PRKCA: variants seen among roughly 807,000 people sequenced by gnomAD.
PRKCA encodes protein kinase C alpha.
A neutral mutation model predicts 87.0 loss-of-function variants in PRKCA; 27 were observed. That is an observed-to-expected ratio of 0.31 (90% confidence interval 0.23 to 0.43). The LOEUF is 0.43. Ranked by LOEUF, PRKCA falls within the 20% of genes least tolerant of loss-of-function variation. PRKCA has a pLI of 1.00. For synonymous variants in PRKCA, 329 were observed against 311.1 expected (o/e 1.06, Z -0.61); for missense variants, 518 against 852.3 (o/e 0.61, Z 4.88).
At chr17:66,707,741 A>G (rs1973225320) in intron 8 of PRKCA, among the ~76,000 whole-genome samples, 1 of 152,120 alleles carries the variant, frequency 6.6e-6, no homozygotes, top group South Asian at 2.1e-4. Flanking sequence ...CTTGTACCTT[A>G]TCTCCACTTT....
At chr17:66,594,459 G>C (rs1969911533) in intron 3 of PRKCA, among the ~76,000 whole-genome samples, 1 of 152,098 alleles carries the variant, frequency 6.6e-6, no homozygotes. Flanking sequence ...TCAGTTTCCA[G>C]CGTCTCTTTA....
intron 5 of PRKCA, among the ~76,000 whole-genome samples, chr17:66,653,811 AAAACC>A (rs1971657656): frequency 1.5e-5 from 1 of 67,818 alleles, no homozygotes; most frequent in African/African-American, 4.0e-5. Context: ...AAAAAAAAAC[AAAACC>A]AACAAGCTTT....
intron 3 of PRKCA, among the ~76,000 whole-genome samples, chr17:66,562,445 C>T (rs1033940635): frequency 6.6e-6 from 1 of 151,822 alleles, no homozygotes; most frequent in African/African-American, 2.4e-5. Context: ...GTCTCAGGCA[C>T]CCTGGAGGAC....
At chr17:66,784,856 C>T (rs1041659423) in intron 14 of PRKCA, among the ~76,000 whole-genome samples, 1 of 152,178 alleles carries the variant, frequency 6.6e-6, no homozygotes, top group African/African-American at 2.4e-5. Context: ...GCCTGCACCC[C>T]CTGGTGGGTG....
chr17:66,763,679 C>T (rs1301735733), intron 13 of PRKCA, among the ~76,000 whole-genome samples: 4 of 152,026 alleles, frequency 2.6e-5, no homozygotes, highest in Non-Finnish European at 4.4e-5. Context: ...TAAAGGCCAC[C>T]GTTATTTTGT....
At chr17:66,439,544 C>T (rs973988197) in intron 2 of PRKCA, among the ~76,000 whole-genome samples, 1 of 152,188 alleles carries the variant, frequency 6.6e-6, no homozygotes, top group African/African-American at 2.4e-5. Context: ...ATGGCATAGG[C>T]TGGCCTATTA....
intron 3 of PRKCA, among the ~76,000 whole-genome samples, chr17:66,590,211 T>G (rs1173010624): frequency 1.3e-5 from 2 of 152,170 alleles, no homozygotes; most frequent in African/African-American, 4.8e-5. Context: ...AGATGTCAAC[T>G]GCCTGAAATT....
At chr17:66,532,898 T>G (rs1272059297) in intron 3 of PRKCA, among the ~76,000 whole-genome samples, 2 of 152,166 alleles carry the variant, frequency 1.3e-5, no homozygotes, top group African/African-American at 4.8e-5. Flanking sequence ...GTGGAATTAG[T>G]TTGCACACAC....
At chr17:66,560,766 A>G (rs1248062178) in intron 3 of PRKCA, among the ~76,000 whole-genome samples, 2 of 152,168 alleles carry the variant, frequency 1.3e-5, no homozygotes, top group East Asian at 1.9e-4. Flanking sequence ...TACCAGCGCC[A>G]CCACTGGCAT....
chr17:66,703,685 C>T (rs1420099197), intron 8 of PRKCA: 3 of 151,920 alleles, frequency 2.0e-5, no homozygotes, highest in African/African-American at 7.3e-5. Flanking sequence ...ATCCCAGCTA[C>T]TTGGGAGGCT....
intron 2 of PRKCA, among the ~76,000 whole-genome samples, chr17:66,443,106 G>C (rs908536530): frequency 6.6e-6 from 1 of 152,202 alleles, no homozygotes; most frequent in African/African-American, 2.4e-5. Flanking sequence ...TAGACAAACA[G>C]CTGAAGCTCA....
intron 2 of PRKCA, among the ~76,000 whole-genome samples, chr17:66,354,974 A>G (rs569444610): frequency 1.1e-4 from 17 of 152,204 alleles, no homozygotes; most frequent in Admixed American, 2.6e-4. Flanking sequence ...TTGCTTTCCT[A>G]TACATCGTTA....
At chr17:66,776,102 G>A (rs1322577901) in intron 14 of PRKCA, among the ~76,000 whole-genome samples, 4 of 152,238 alleles carry the variant, frequency 2.6e-5, no homozygotes, top group African/African-American at 9.6e-5. Flanking sequence ...TTTAAGAAAT[G>A]GAAGCTCCCA....
chr17:66,784,988 T>C (rs1975343389), intron 14 of PRKCA, among the ~76,000 whole-genome samples: 1 of 152,208 alleles, frequency 6.6e-6, no homozygotes, highest in African/African-American at 2.4e-5. Context: ...TTTAGCTCTC[T>C]TCACCCACCT....
chr17:66,573,640 T>C (rs1006634675), intron 3 of PRKCA, among the ~76,000 whole-genome samples: 1 of 152,240 alleles, frequency 6.6e-6, no homozygotes, highest in Non-Finnish European at 1.5e-5. Flanking sequence ...ATAACAATGT[T>C]GACAGGCATT....
At chr17:66,574,676 A>G (rs937797154) in intron 3 of PRKCA, among the ~76,000 whole-genome samples, 2 of 151,956 alleles carry the variant, frequency 1.3e-5, no homozygotes, top group African/African-American at 4.8e-5. Flanking sequence ...TCGGATTTTC[A>G]GATTGAGGCA....
At chr17:66,544,155 T>C (rs1598754885) in intron 3 of PRKCA, among the ~76,000 whole-genome samples, 1 of 151,268 alleles carries the variant, frequency 6.6e-6, no homozygotes, top group African/African-American at 2.4e-5. Flanking sequence ...ACCCGGGAGG[T>C]GGAGACTGCA....
In PRKCA at chr17:66,344,423, A is replaced by G. The variant is rs9890951; in HGVS notation, c.205+38296A>G. ...GTAATCCCAGCACTTTGGGAGGCTG[A>G]GGCGGGCAGATAGCTTGAGCTCAGG... is the stretch of plus-strand genomic sequence containing the variant. On this transcript the variant is annotated intron_variant, in intron 2 of 16. Coordinates refer to ENST00000413366, the MANE Select transcript of PRKCA (RefSeq NM_002737.3). 1.4e-3 allele frequency among the ~76,000 whole-genome samples: 214 copies of G among 152,322 alleles called. 3 individuals are homozygous for G. The highest frequency in any genetic ancestry group is 5.0e-3 in the African/African-American group (207 of 41,578).
chr17:66,691,101 A>G (rs1972774563), intron 8 of PRKCA, among the ~76,000 whole-genome samples: 1 of 152,040 alleles, frequency 6.6e-6, no homozygotes. Flanking sequence ...AGATCACGCC[A>G]GTGCACTCCA....
Sources: allele counts gnomAD v4.1 joint callset (sites outside exome capture counted in the v4.1 genomes callset), GRCh38; gene constraint gnomAD v4.1.1; transcripts MANE v1.5; gene names NCBI Gene and HGNC (gene_info 2026-07-23, HGNC 2026-07-21).